Variants in PKD1L1 observed in about 807,000 individuals in gnomAD.
The protein encoded by PKD1L1 is polycystin 1 like 1, transient receptor potential channel interacting.
PKD1L1 carries 236 observed loss-of-function variants against 323.4 expected under a neutral mutation model. The observed-to-expected ratio is 0.73, with a 90% CI of 0.66 to 0.81. PKD1L1 has a LOEUF of 0.81. PKD1L1 is among the 40% of genes least tolerant of loss of function. The probability of loss-of-function intolerance (pLI) is 0.00; values close to 1 mark genes in which losing one functional copy is unlikely to be tolerated. For missense variants in PKD1L1, 3,320 were observed against 3,508.0 expected (o/e 0.95, Z 1.35); for synonymous variants, 1,344 against 1,335.0 (o/e 1.01, Z -0.15).
chr7:47,781,322 A>G (rs1786686798), intron 56 of PKD1L1, among the ~76,000 whole-genome samples: 1 of 151,346 alleles, frequency 6.6e-6, no homozygotes, highest in South Asian at 2.1e-4. Context: ...CGGTCTGCAA[A>G]TATTTCCCTC....
intron 1 of PKD1L1, among the ~76,000 whole-genome samples, chr7:47,945,156 T>C (rs2686829): frequency 0.78 from 118,493 of 152,174 alleles, 46,529 homozygotes; most frequent in East Asian, 0.92. Flanking sequence ...ACTGTCATTC[T>C]AGAAAGGGCC....
intron 44 of PKD1L1, among the ~76,000 whole-genome samples, chr7:47,828,229 A>G (rs1181066689): frequency 6.6e-6 from 1 of 152,154 alleles, no homozygotes; most frequent in African/African-American, 2.4e-5. Flanking sequence ...CTAATGAGCC[A>G]TGCATAGGTT....
At chr7:47,864,576 T>TTTTTTCTTTC (rs1786107004) in intron 26 of PKD1L1, among the ~76,000 whole-genome samples, 2 of 107,520 alleles carry the variant, frequency 1.9e-5, no homozygotes, top group Non-Finnish European at 3.8e-5. Context: ...TTTTTCTTTC[T>TTTTTTCTTTC]TTTCTTTCTT....
chr7:47,853,207 G>A lies in PKD1L1; in HGVS notation c.4880C>T (p.Pro1627Leu), dbSNP rs1785820045. ...GATCTGCTTCACAAGAAAATCAGAG[G>A]GAGTAGGTTTCTCAGAGAATCTAGG... ...LLVRFSEKPT[P>L]SDFLVKQIYF... The change falls in exon 31 of 57, where the codon CCC becomes CTC. Residue 1627 changes from proline (P) to leucine (L), a missense_variant. Physicochemically the swap from Pro to Leu is moderately conservative, Grantham distance 98. Coordinates refer to ENST00000289672, the MANE Select transcript of PKD1L1 (RefSeq NM_138295.5). 3 of 1,612,090 alleles carry A rather than the reference G, an allele frequency of 1.9e-6. No individual in the cohort carries two copies. The African/African-American group carries it at 4.0e-5, about 22-fold the overall frequency.
chr7:47,839,213 A>T lies in PKD1L1; in HGVS notation c.5769+233T>A, dbSNP rs1785517576. Among the ~76,000 whole-genome samples the T allele has an allele frequency of 6.6e-6, 1 of 152,252 alleles. No individual in the cohort carries two copies. Among genetic ancestry groups the T allele is most frequent in the African/African-American group, 2.4e-5 (1 of 41,472 alleles). ...ATTCCAGCAATGCTATTACAATTAC[A>T]GAGAAGCATTACTACAATAATTAAT... On this transcript the variant is annotated intron_variant, in intron 36 of 56. Transcript: ENST00000289672. This position sits in a 1 kb window ranked among gnomAD's most constrained non-coding sequence, Gnocchi z 4.3.
chr7:47,947,628 C>G (rs916905725), intron 1 of PKD1L1, among the ~76,000 whole-genome samples: 3 of 152,372 alleles, frequency 2.0e-5, no homozygotes, highest in Admixed American at 2.0e-4. Flanking sequence ...CTCAACAACA[C>G]ATGGGTGCTG....
chr7:47,931,396 C>T, intron 5 of PKD1L1, 75 bp from the exon 6 acceptor site: 1 of 1,498,428 alleles, frequency 6.7e-7, no homozygotes, highest in East Asian at 2.3e-5. Flanking sequence ...CCGCCATGCT[C>T]AAAAAGCCAA....
chr7:47,948,344 T>C, intron 1 of PKD1L1, 53 bp downstream of exon 1: 4 of 1,600,556 alleles, frequency 2.5e-6, no homozygotes, highest in Non-Finnish European at 3.4e-6. Flanking sequence ...AATTTCTGAA[T>C]GCATACTTTA....
At chr7:47,915,655 GA>G (rs1464075099) in intron 7 of PKD1L1, 56 bp from the exon 8 acceptor site, 7 of 1,104,980 alleles carry the variant, frequency 6.3e-6, no homozygotes, top group African/African-American at 4.8e-5. Flanking sequence ...TAAACTAGGG[GA>G]AAATGTGGAA....
chr7:47,888,523 CG>C (rs1477961983), intron 16 of PKD1L1, among the ~76,000 whole-genome samples: 2 of 152,266 alleles, frequency 1.3e-5, no homozygotes, highest in Non-Finnish European at 2.9e-5. Context: ...GTTGCCACCA[CG>C]TGATCCCTCT....
At position 47,800,811 on chromosome 7, in the gene PKD1L1, T is replaced by C. The variant is rs1227657341; in HGVS notation, c.8031A>G (p.Leu2677=). The change falls in exon 54 of 57, where the codon CTA becomes CTG. Residue 2677 remains leucine (L), a synonymous_variant. Transcript: ENST00000289672. ...AGGCGTCTGTGAAGGTGCCAGGTGG[T>C]AGAACCCACATAGAGAGCAGAAATC... ...LHRFLLSMWV[L]PPGTFTDAFP... 5 of 1,613,990 alleles carry C rather than the reference T, an allele frequency of 3.1e-6. No individual in the cohort carries two copies. The highest frequency in any genetic ancestry group is 3.3e-5 in the Admixed American group (2 of 60,000).
Position 47,802,179 on chromosome 7 carries a change from G to A in PKD1L1, c.7962+1031C>T, listed in dbSNP as rs540743162. On this transcript the variant is annotated intron_variant, in intron 53 of 56. Transcript: ENST00000289672. ...TGCCCTCCAGCCTGGGTGACAGAGC[G>A]AGACTCTATCTCAAAAAAAAAAAAA... is the stretch of plus-strand genomic sequence containing the variant. 8.1e-4 allele frequency among the ~76,000 whole-genome samples: 108 copies of A among 132,568 alleles called. 2 individuals carry two copies. The South Asian group carries it at 0.026, about 32-fold the overall frequency. 87.0% of individuals were successfully genotyped at this position (132,568 alleles called of 152,430 possible). A position where few individuals can be genotyped will look rare whatever the true frequency, so the allele number is the denominator to read the frequency against.
At chr7:47,813,452 C>A (rs1475214629) in intron 48 of PKD1L1, 159 bp from the exon 49 acceptor site, 7 of 805,042 alleles carry the variant, frequency 8.7e-6, no homozygotes, top group Non-Finnish European at 1.2e-5. Flanking sequence ...GTTTCGTGGT[C>A]TACAGACTCT....
intron 2 of PKD1L1, among the ~76,000 whole-genome samples, chr7:47,943,036 C>A (rs1788020832): frequency 6.6e-6 from 1 of 151,466 alleles, no homozygotes; most frequent in South Asian, 2.1e-4. Flanking sequence ...GTCCCAGCTA[C>A]TCAGGAGGCT....
At chr7:47,776,871 A>C (rs182562359) in intron 56 of PKD1L1, among the ~76,000 whole-genome samples, 6 of 152,172 alleles carry the variant, frequency 3.9e-5, no homozygotes, top group Admixed American at 3.9e-4. Flanking sequence ...GTTGACACTT[A>C]AATTCTTTTT....
chr7:47,934,765 G>C (rs1215405240), intron 4 of PKD1L1, among the ~76,000 whole-genome samples: 1 of 152,148 alleles, frequency 6.6e-6, no homozygotes, highest in East Asian at 1.9e-4. Flanking sequence ...TGGGGGTGGG[G>C]GGATTGCGCT....
chr7:47,779,118 A>T (rs1017241664), intron 56 of PKD1L1, among the ~76,000 whole-genome samples: 1 of 152,134 alleles, frequency 6.6e-6, no homozygotes, highest in Non-Finnish European at 1.5e-5. Flanking sequence ...AGTGCCACAG[A>T]CATTTCCACT....
intron 45 of PKD1L1, among the ~76,000 whole-genome samples, chr7:47,825,951 C>T (rs1785233130): frequency 6.6e-6 from 1 of 151,898 alleles, no homozygotes; most frequent in Non-Finnish European, 1.5e-5. Context: ...TGGATGCTTC[C>T]CCCAGCAGCG....
Position 47,811,894 on chromosome 7 carries a change from C to T in PKD1L1, c.7504G>A (p.Val2502Ile), listed in dbSNP as rs371450996. Residue 2502 changes from valine to isoleucine, a missense_variant, in exon 50 of 57, where the codon GTC becomes ATC. Coordinates refer to ENST00000289672, the MANE Select transcript of PKD1L1 (RefSeq NM_138295.5). ...RVEILPTGSLVPSSLVESFSI... is the reference protein window; with the variant it reads ...RVEILPTGSLIPSSLVESFSI... ...AATGACTCCACCAGGGATGAGGGGA[C>T]GAGACTCCCCGTAGGGAGGATCTCC... 42 of 1,610,404 alleles carry T rather than the reference C, an allele frequency of 2.6e-5. No homozygotes were observed. The highest frequency in any genetic ancestry group is 5.3e-5 in the African/African-American group (4 of 74,930).
Sources: gnomAD v4.1 joint callset for allele counts (sites outside exome capture counted in the v4.1 genomes callset) on GRCh38, gnomAD v4.1.1 for gene constraint, Gnocchi (gnomAD v3.1) non-coding constraint, MANE v1.5 for transcripts, NCBI Gene and HGNC (gene_info 2026-07-23, HGNC 2026-07-21) for gene names.